The following PIGS variants were observed in gnomAD, a reference collection of about 807,000 sequenced individuals.
The protein encoded by PIGS is phosphatidylinositol glycan anchor biosynthesis class S.
PIGS carries 37 observed loss-of-function variants against 58.2 expected under a neutral mutation model. That is an observed-to-expected ratio of 0.64 (90% confidence interval 0.49 to 0.84). PIGS has a LOEUF of 0.84. Ranked by LOEUF, PIGS falls within the 40% of genes least tolerant of loss-of-function variation. The probability of loss-of-function intolerance (pLI) is 0.00; values close to 1 mark genes in which losing one functional copy is unlikely to be tolerated. For missense variants in PIGS, 629 were observed against 710.8 expected, an observed-to-expected ratio of 0.88 and a Z score of 1.31; for synonymous variants, 269 against 289.2, an observed-to-expected ratio of 0.93 and a Z score of 0.71.
chr17:28,560,314 C>T (rs1437550413), intron 6 of PIGS, 123 bp from the exon 7 acceptor site: 1 of 1,236,006 alleles, frequency 8.1e-7, no homozygotes, highest in Non-Finnish European at 1.1e-6. Flanking sequence ...CATCATGGAA[C>T]CAAAAGGAGG....
chr17:28,560,031 A>G lies in PIGS; in HGVS notation c.819+18T>C, dbSNP rs1416216314. The G allele has an allele frequency of 1.3e-6, 2 of 1,593,048 alleles. No homozygotes were observed. Among genetic ancestry groups the G allele is most frequent in the Admixed American group, 1.9e-5 (1 of 52,526 alleles). ...TATAGACATTGAAAAGGACTCCTCA[A>G]CTTGCTCCCGGTCTCACCTGAGAGT... On this transcript the variant is annotated intron_variant, in intron 7 of 11. Coordinates refer to ENST00000308360, the MANE Select transcript of PIGS (RefSeq NM_033198.4).
At chr17:28,566,271 C>CTTTTT (rs57310687) in intron 3 of PIGS, among the ~76,000 whole-genome samples, 2 of 97,794 alleles carry the variant, frequency 2.0e-5, no homozygotes, top group Non-Finnish European at 3.8e-5. Flanking sequence ...TTTTTCTTTT[C>CTTTTT]TTTTTTTTTT....
At chr17:28,563,719 G>T in intron 4 of PIGS, 99 bp downstream of exon 4, 2 of 1,344,766 alleles carry the variant, frequency 1.5e-6, no homozygotes, top group Non-Finnish European at 2.1e-6. Context: ...TTCCAAGAGA[G>T]GTTTTGGAAG....
At position 28,571,377 on chromosome 17, in the gene PIGS, A is replaced by T. The variant is rs2070428640; in HGVS notation, c.34+86T>A. The T allele has an allele frequency of 5.1e-6, 8 of 1,560,204 alleles. No homozygotes were observed. The South Asian group carries it at 9.3e-5, about 18-fold the overall frequency. On this transcript the variant is annotated intron_variant, in intron 1 of 11. Coordinates refer to ENST00000308360, the MANE Select transcript of PIGS (RefSeq NM_033198.4). ...GACCCCCGAGCCCCCCGTCCGCGGG[A>T]CCTCTCGCACACCACAATCCCCACC...
intron 4 of PIGS, 147 bp downstream of exon 4, chr17:28,563,671 T>C (rs1170586313): frequency 1.7e-6 from 2 of 1,192,946 alleles, no homozygotes; most frequent in African/African-American, 1.5e-5. Context: ...TGGCCCTCAG[T>C]GGACTGGGCT....
At position 28,560,146 on chromosome 17, in the gene PIGS, TGGGACTTG is replaced by T; in HGVS notation, c.714_721del (p.Lys239Ter). On this transcript the variant is annotated frameshift_variant, in exon 7 of 12. Coordinates refer to ENST00000308360, the MANE Select transcript of PIGS (RefSeq NM_033198.4). LOFTEE classifies it high-confidence loss of function. The stretch of plus-strand genomic sequence containing the variant: ...CCCCTCAATGTCCCAGTAGACATCA[TGGGACTTG>T]GGGTCTGGGTTGAGTAAACTGAAGG... 6.2e-7 allele frequency: 1 copy of T among 1,612,834 alleles called. No homozygotes were observed. Among genetic ancestry groups the T allele is most frequent in the Non-Finnish European group, 8.5e-7 (1 of 1,179,450 alleles).
At position 28,554,386 on chromosome 17, in the gene PIGS, G is replaced by T; in HGVS notation, c.1502C>A (p.Ala501Asp). Residue 501 changes from alanine to aspartate, a missense_variant, in exon 12 of 12, where the codon GCC (alanine) becomes GAC (aspartate). Ala to Asp is a moderately radical substitution (Grantham distance 126). Transcript: ENST00000308360. ...GTGGAGGAGTGACGGGTCAAAGAAGGCAAGCTCAGAGGATGTCACAGCTTC... is the reference window on the plus strand; with the variant it reads ...GTGGAGGAGTGACGGGTCAAAGAAGTCAAGCTCAGAGGATGTCACAGCTTC... Reference protein sequence around the residue: ...SQEAVTSSELAFFDPSLLHLL... With the variant: ...SQEAVTSSELDFFDPSLLHLL... The T allele has an allele frequency of 6.2e-7, 1 of 1,614,202 alleles. No individual in the cohort carries two copies. Among genetic ancestry groups the T allele is most frequent in the East Asian group, 2.2e-5 (1 of 44,882 alleles).
At chr17:28,562,801 T>A (rs866012027) in intron 5 of PIGS, among the ~76,000 whole-genome samples, 2 of 152,014 alleles carry the variant, frequency 1.3e-5, no homozygotes, top group African/African-American at 2.4e-5. Flanking sequence ...AACCTCCACC[T>A]CCCAGGCTCA....
At chr17:28,561,886 G>A (rs887710884) in intron 5 of PIGS, 39 of 375,026 alleles carry the variant, frequency 1.0e-4, no homozygotes, top group Non-Finnish European at 1.3e-4. Context: ...CTGGTAAAAT[G>A]GTGAAATGGA....
chr17:28,556,559 C>A, intron 9 of PIGS: 1 of 716,774 alleles, frequency 1.4e-6, no homozygotes. Flanking sequence ...TTGCAAGACT[C>A]CCACAAATAA....
chr17:28,563,530 C>T lies in PIGS; in HGVS notation c.377-8G>A, dbSNP rs1240392907. The T allele has an allele frequency of 1.2e-6, 2 of 1,612,862 alleles. No homozygotes were observed. The highest frequency in any genetic ancestry group is 4.5e-5 in the East Asian group (2 of 44,876). ...CTAACATGGCTTCTGCCTCTGGGGG[C>T]AAGAACAGGTGGTACACCAAGAGCA... On this transcript the variant is annotated splice_region_variant and splice_polypyrimidine_tract_variant and intron_variant, in intron 4 of 11. Coordinates refer to ENST00000308360, the MANE Select transcript of PIGS (RefSeq NM_033198.4).
intron 10 of PIGS, chr17:28,555,597 A>C (rs764703415): frequency 5.9e-6 from 1 of 168,736 alleles, no homozygotes; most frequent in Non-Finnish European, 1.3e-5. Flanking sequence ...ATCAGGCAGC[A>C]TAAGAATTAA....
Position 28,554,992 on chromosome 17 carries a change from C to A in PIGS, c.1251G>T (p.Gly417=). 6.2e-7 allele frequency: 1 copy of A among 1,610,492 alleles called. No individual in the cohort carries two copies. The highest frequency in any genetic ancestry group is 1.1e-5 in the South Asian group (1 of 90,480). The change falls in exon 11 of 12, where the codon GGG becomes GGT. Residue 417 remains glycine, a synonymous_variant. Transcript: ENST00000308360. ...GCCGGTCTAGCTCCCAGGTCATTAG[C>A]CCTTCACTCGTAGGCCCTGAAAGCA... is the stretch of plus-strand genomic sequence containing the variant. ...KCLLSGPTSE[G]LMTWELDRLL...
chr17:28,563,459 A>G lies in PIGS; in HGVS notation c.440T>C (p.Ile147Thr), dbSNP rs2070376408. The G allele has an allele frequency of 6.2e-7, 1 of 1,614,038 alleles. No individual in the cohort carries two copies. The highest frequency in any genetic ancestry group is 1.3e-5 in the African/African-American group (1 of 74,926). ...GGGAAGAAGTGAGGAGTGTTCAGAT[A>G]TCACGTACACAGTCAGGGAGCCCTC... ...QAEGSLTVYV[I>T]SEHSSLLPQD... The change falls in exon 5 of 12, where the codon ATA becomes ACA. Residue 147 changes from isoleucine (I) to threonine (T), a missense_variant. Physicochemically the swap from Ile to Thr is moderately conservative, Grantham distance 89. Coordinates refer to ENST00000308360, the MANE Select transcript of PIGS (RefSeq NM_033198.4).
At chr17:28,563,961 C>G (rs961243119) in intron 3 of PIGS, 54 bp from the exon 4 acceptor site, 1 of 1,490,036 alleles carries the variant, frequency 6.7e-7, no homozygotes, top group African/African-American at 1.4e-5. Context: ...TGCCTCTGCC[C>G]ACCTTCCCAG....
chr17:28,563,444 G>A lies in PIGS; in HGVS notation c.455C>T (p.Ser152Leu), dbSNP rs750499820. ...CTGTTACCTTACCTGGGGAAGAAGT[G>A]AGGAGTGTTCAGATATCACGTACAC... ...LTVYVISEHS[S>L]LLPQDMMSYI... The change falls in exon 5 of 12, where the codon TCA becomes TTA. Residue 152 changes from serine to leucine, a missense_variant. Ser to Leu is a moderately radical substitution (Grantham distance 145, BLOSUM62 -2). Coordinates refer to ENST00000308360, the MANE Select transcript of PIGS (RefSeq NM_033198.4). 6.8e-6 allele frequency: 11 copies of A among 1,613,996 alleles called. No individual in the cohort carries two copies. The South Asian group carries it at 1.2e-4, about 18-fold the overall frequency.
intron 6 of PIGS, among the ~76,000 whole-genome samples, chr17:28,560,824 G>A (rs2070359326): frequency 6.6e-6 from 1 of 152,030 alleles, no homozygotes; most frequent in South Asian, 2.1e-4. Context: ...CAGACATGGT[G>A]GCATGCACCT....
intron 5 of PIGS, among the ~76,000 whole-genome samples, chr17:28,562,677 G>A (rs888982658): frequency 1.3e-5 from 2 of 151,842 alleles, no homozygotes; most frequent in African/African-American, 2.4e-5. Context: ...CAAGTGATCC[G>A]CCTGCCTCGG....
intron 3 of PIGS, among the ~76,000 whole-genome samples, chr17:28,570,379 C>T (rs1301434117): frequency 6.6e-6 from 1 of 152,180 alleles, no homozygotes; most frequent in African/African-American, 2.4e-5. Flanking sequence ...GGCGTAGTGT[C>T]GCGCGCCTGT....
Sources: allele counts gnomAD v4.1 joint callset (sites outside exome capture counted in the v4.1 genomes callset), GRCh38; gene constraint gnomAD v4.1.1; transcripts MANE v1.5; gene names NCBI Gene and HGNC (gene_info 2026-07-23, HGNC 2026-07-21).